PTPRD: variants seen among roughly 807,000 people sequenced by gnomAD.
PTPRD encodes the protein receptor-type tyrosine-protein phosphatase delta.
A neutral mutation model predicts 214.5 loss-of-function variants in PTPRD; 34 were observed. The ratio of observed to expected loss-of-function variants is 0.16; its 90% confidence interval spans 0.12 to 0.21. PTPRD has a LOEUF of 0.21. Among genes scored for constraint, PTPRD ranks in the 10% least tolerant of loss-of-function variants. The probability of loss-of-function intolerance (pLI) is 1.00; values close to 1 mark genes in which losing one functional copy is unlikely to be tolerated. For synonymous variants in PTPRD, 1,128 were observed against 845.7 expected (o/e 1.33, Z -5.79); for missense variants, 2,545 against 2,398.7 (o/e 1.06, Z -1.27).
chr9:9,918,393 C>T (rs1459566615), intron 5 of PTPRD, among the ~76,000 whole-genome samples: 2 of 103,686 alleles, frequency 1.9e-5, no homozygotes, highest in African/African-American at 3.3e-5. Context: ...AACTACAAAA[C>T]ATTGATAAAA....
intron 6 of PTPRD, among the ~76,000 whole-genome samples, chr9:9,747,928 A>C (rs916821194): frequency 5.9e-5 from 9 of 152,162 alleles, no homozygotes; most frequent in Non-Finnish European, 1.2e-4. Flanking sequence ...TTGAGAAAGG[A>C]ATGTATAAAC....
chr9:8,497,363 A>C (rs2097299802), intron 25 of PTPRD, 95 bp from the exon 26 acceptor site: 1 of 1,035,106 alleles, frequency 9.7e-7, no homozygotes, highest in African/African-American at 1.7e-5. Context: ...TAGATTAAAA[A>C]AATCAAAAAA....
intron 3 of PTPRD, among the ~76,000 whole-genome samples, chr9:10,151,457 T>A (rs887247636): frequency 6.6e-6 from 1 of 151,758 alleles, no homozygotes; most frequent in Non-Finnish European, 1.5e-5. Flanking sequence ...GAGACTGGGT[T>A]TTACCATGTT....
chr9:8,721,217 T>A (rs982305975), intron 12 of PTPRD, among the ~76,000 whole-genome samples: 1 of 151,802 alleles, frequency 6.6e-6, no homozygotes, highest in East Asian at 1.9e-4. Context: ...TCATCTGAGG[T>A]CAGGAGTTCG....
chr9:8,464,633 G>A (rs957860712), intron 32 of PTPRD, among the ~76,000 whole-genome samples: 3 of 151,732 alleles, frequency 2.0e-5, no homozygotes, highest in African/African-American at 4.8e-5. Context: ...ATTAGAAAAC[G>A]AAGTTTATAA....
intron 9 of PTPRD, among the ~76,000 whole-genome samples, chr9:9,382,951 A>G (rs1278270824): frequency 2.6e-5 from 4 of 152,126 alleles, no homozygotes; most frequent in Non-Finnish European, 5.9e-5. Context: ...TTGTATATTT[A>G]TATAATAGAA....
chr9:9,592,558 G>A (rs962319802), intron 7 of PTPRD, among the ~76,000 whole-genome samples: 4 of 151,918 alleles, frequency 2.6e-5, no homozygotes, highest in African/African-American at 9.7e-5. Flanking sequence ...TGAGCATCGA[G>A]CAAATCAATC....
chr9:9,073,288 C>G (rs2099746484), intron 10 of PTPRD, among the ~76,000 whole-genome samples: 1 of 152,128 alleles, frequency 6.6e-6, no homozygotes, highest in African/African-American at 2.4e-5. Context: ...CTTGTGGACT[C>G]TCGAATCAGA....
intron 11 of PTPRD, among the ~76,000 whole-genome samples, chr9:8,975,113 A>AAAG (rs1555633559): frequency 1.3e-4 from 20 of 151,658 alleles, no homozygotes; most frequent in Admixed American, 2.6e-4. Context: ...AAAAAAAAAA[A>AAAG]AGATTTTCAG....
chr9:8,362,701 G>A (rs1220784501), intron 39 of PTPRD, among the ~76,000 whole-genome samples: 1 of 152,134 alleles, frequency 6.6e-6, no homozygotes, highest in Admixed American at 6.6e-5. Context: ...GAGTAAACAA[G>A]CATTTAATCT....
intron 11 of PTPRD, among the ~76,000 whole-genome samples, chr9:8,844,939 G>A (rs977800368): frequency 6.6e-6 from 1 of 152,072 alleles, no homozygotes; most frequent in East Asian, 1.9e-4. Flanking sequence ...AATTAAAAAT[G>A]GACATTACCG....
chr9:9,399,701 A>AT (rs2069418512), intron 8 of PTPRD, among the ~76,000 whole-genome samples: 1 of 151,966 alleles, frequency 6.6e-6, no homozygotes, highest in Non-Finnish European at 1.5e-5. Flanking sequence ...ATGAGATCTG[A>AT]TGATTTTATA....
chr9:9,313,562 A>T (rs1960506032), intron 9 of PTPRD, among the ~76,000 whole-genome samples: 1 of 152,268 alleles, frequency 6.6e-6, no homozygotes, highest in Non-Finnish European at 1.5e-5. Context: ...CCAGTGTTAG[A>T]GTGGAATCCA....
chr9:8,751,350 C>T (rs1386676152), intron 11 of PTPRD, among the ~76,000 whole-genome samples: 2 of 151,704 alleles, frequency 1.3e-5, no homozygotes, highest in Non-Finnish European at 2.9e-5. Context: ...TTACGGATCT[C>T]TATGGCCACA....
intron 11 of PTPRD, among the ~76,000 whole-genome samples, chr9:8,918,357 T>C (rs1169477146): frequency 6.6e-6 from 1 of 152,154 alleles, no homozygotes. Flanking sequence ...ACACAATGAA[T>C]TGTCAGAAAA....
At chr9:9,089,856 C>G (rs901091781) in intron 10 of PTPRD, among the ~76,000 whole-genome samples, 2 of 152,094 alleles carry the variant, frequency 1.3e-5, no homozygotes, top group African/African-American at 2.4e-5. Flanking sequence ...TAGTAATGCT[C>G]TGCCATATTT....
chr9:9,528,206 TC>T (rs1285934194), intron 8 of PTPRD, among the ~76,000 whole-genome samples: 1 of 152,124 alleles, frequency 6.6e-6, no homozygotes, highest in African/African-American at 2.4e-5. Flanking sequence ...ACCAAGCCTT[TC>T]ACTGAGCAAT....
At position 9,121,479 on chromosome 9, in the gene PTPRD, T is replaced by C. The variant is rs541604429; in HGVS notation, c.-143+61825A>G. Among the ~76,000 whole-genome samples the C allele has an allele frequency of 2.6e-5, 4 of 152,292 alleles. No individual in the cohort carries two copies. In the East Asian group the frequency reaches 7.7e-4, roughly 29 times the overall value. Reference sequence around the variant, plus strand: ...GTATATATATATATACACGATAGAATACTACTCAGCCATACAAAGGAATGA... The same window carrying C: ...GTATATATATATATACACGATAGAACACTACTCAGCCATACAAAGGAATGA... On this transcript the variant is annotated intron_variant, in intron 10 of 45. Coordinates refer to ENST00000381196, the MANE Select transcript of PTPRD (RefSeq NM_002839.4).
intron 8 of PTPRD, among the ~76,000 whole-genome samples, chr9:9,403,976 G>T (rs1183431869): frequency 2.0e-5 from 3 of 152,064 alleles, no homozygotes; most frequent in Non-Finnish European, 2.9e-5. Flanking sequence ...GAACAAGCCA[G>T]CCATGCAAGG....
Sources: gnomAD v4.1 joint callset for allele counts (sites outside exome capture counted in the v4.1 genomes callset) on GRCh38, gnomAD v4.1.1 for gene constraint, MANE v1.5 for transcripts, NCBI Gene and HGNC (gene_info 2026-07-23, HGNC 2026-07-21) for gene names.